Variants in ADRA1B observed in about 807,000 individuals in gnomAD.
ADRA1B encodes alpha-1B adrenergic receptor.
A neutral mutation model predicts 17.9 loss-of-function variants in ADRA1B; 17 were observed. That is an observed-to-expected ratio of 0.95 (90% CI 0.65 to 1.42). The LOEUF (loss-of-function observed/expected upper bound fraction) is 1.42, where lower values mean the gene tolerates loss of function less well. ADRA1B is among the 40% of genes most tolerant of loss of function. The pLI is 0.00. For synonymous variants in ADRA1B, 366 were observed against 327.6 expected (o/e 1.12, Z -1.27); for missense variants, 681 against 722.1 (o/e 0.94, Z 0.65).
Position 159,972,484 on chromosome 5 carries a change from C to G in ADRA1B, c.1555C>G (p.Gln519Glu), listed in dbSNP as rs866103721. ...AAGCAACATGCCCCTGGCGCCCGGG[C>G]AGTTTTAGGGCCCCCGTGCGCAGCT... Reference protein sequence around the residue: ...FKSNMPLAPGQF With the variant: ...FKSNMPLAPGEF Residue 519 changes from glutamine to glutamate, a missense_variant, in exon 2 of 2, where the codon CAG becomes GAG. By Grantham distance (29) the Gln-to-Glu change is conservative. This residue lies in a region of ADRA1B where 251 missense variants were observed against 224.9 expected (regional missense o/e 1.12). Coordinates refer to ENST00000306675, the MANE Select transcript of ADRA1B (RefSeq NM_000679.4). 14 of 1,238,034 alleles carry G rather than the reference C, an allele frequency of 1.1e-5. No individual in the cohort carries two copies. Among genetic ancestry groups the G allele is most frequent in the Non-Finnish European group, 1.4e-5 (14 of 968,740 alleles). 76.7% of individuals were successfully genotyped at this position (1,238,034 alleles called of 1,614,324 possible).
At chr5:159,979,643 G>A in the ADRA1B span, among the ~76,000 whole-genome samples, 9 of 152,066 alleles carry the variant, frequency 5.9e-5, no homozygotes, top group Middle Eastern at 3.2e-3. Context: ...CGTGGAGGGC[G>A]GATCACCGGA....
At chr5:159,944,680 CCTTCAAT>C (rs1328435002) in intron 1 of ADRA1B, among the ~76,000 whole-genome samples, 1 of 152,090 alleles carries the variant, frequency 6.6e-6, no homozygotes, top group Non-Finnish European at 1.5e-5. Flanking sequence ...TATGTTACCT[CCTTCAAT>C]CTTTACAACA....
intron 1 of ADRA1B, among the ~76,000 whole-genome samples, chr5:159,919,214 T>A (rs1263437457): frequency 1.3e-5 from 2 of 152,246 alleles, no homozygotes. Flanking sequence ...CAATGGTTAG[T>A]GTTAAGCAGA....
At chr5:159,944,458 G>T (rs1755217130) in intron 1 of ADRA1B, among the ~76,000 whole-genome samples, 1 of 152,210 alleles carries the variant, frequency 6.6e-6, no homozygotes, top group South Asian at 2.1e-4. Context: ...CACAGAGAAA[G>T]GCTAACACTT....
At chr5:159,955,922 G>GTCTCTC (rs143519789) in intron 1 of ADRA1B, among the ~76,000 whole-genome samples, 1 of 149,924 alleles carries the variant, frequency 6.7e-6, no homozygotes, top group Non-Finnish European at 1.5e-5. Context: ...CTTTCTCTTT[G>GTCTCTC]TCTCTCTCTC....
chr5:159,946,672 C>T (rs1188214964), intron 1 of ADRA1B, among the ~76,000 whole-genome samples: 1 of 152,220 alleles, frequency 6.6e-6, no homozygotes, highest in Non-Finnish European at 1.5e-5. Context: ...ATTTTGTATT[C>T]TGTGATGTAT....
At chr5:159,931,061 G>A (rs560863096) in intron 1 of ADRA1B, among the ~76,000 whole-genome samples, 124 of 144,310 alleles carry the variant, frequency 8.6e-4, no homozygotes, top group African/African-American at 2.9e-3. Flanking sequence ...TATATCTCCC[G>A]CTCTGTGATT....
At chr5:159,878,852 A>G (rs921846718) in intron 1 of ADRA1B, among the ~76,000 whole-genome samples, 1 of 152,204 alleles carries the variant, frequency 6.6e-6, no homozygotes, top group African/African-American at 2.4e-5. Context: ...GTATCCATTT[A>G]TCAACTAACA....
intron 1 of ADRA1B, among the ~76,000 whole-genome samples, chr5:159,884,715 C>T (rs1054876423): frequency 1.3e-5 from 2 of 152,232 alleles, no homozygotes; most frequent in African/African-American, 4.8e-5. Flanking sequence ...AATGTATCAA[C>T]TATGTAATCT....
At chr5:159,894,903 G>A (rs1754025545) in intron 1 of ADRA1B, among the ~76,000 whole-genome samples, 1 of 152,188 alleles carries the variant, frequency 6.6e-6, no homozygotes, top group Non-Finnish European at 1.5e-5. Flanking sequence ...TAGCACAACA[G>A]AGCATCAGAC....
At chr5:159,988,041 TG>T in the ADRA1B span, among the ~76,000 whole-genome samples, 8 of 152,002 alleles carry the variant, frequency 5.3e-5, no homozygotes, top group African/African-American at 1.7e-4. Context: ...GATCGTGAGA[TG>T]GGGGGATTAG....
At chr5:159,922,799 T>C (rs548294009) in intron 1 of ADRA1B, among the ~76,000 whole-genome samples, 12 of 152,392 alleles carry the variant, frequency 7.9e-5, no homozygotes, top group East Asian at 1.9e-4. Flanking sequence ...CCAGGCATTA[T>C]ACTGACGATA....
chr5:159,917,184 G>A lies in ADRA1B; in HGVS notation c.279G>A (p.Leu93=). 2.5e-6 allele frequency: 4 copies of A among 1,614,196 alleles called. No homozygotes were observed. Among genetic ancestry groups the A allele is most frequent in the Non-Finnish European group, 3.4e-6 (4 of 1,180,042 alleles). ...TCAACCTGGCCATGGCCGACCTGCT[G>A]TTGAGCTTCACCGTCCTGCCCTTCT... The part of the protein sequence containing the change: ...FIVNLAMADL[L]LSFTVLPFSA... Residue 93 remains leucine, a synonymous_variant, in exon 1 of 2, where the codon CTG becomes CTA. Coordinates refer to ENST00000306675, the MANE Select transcript of ADRA1B (RefSeq NM_000679.4).
At chr5:159,954,142 C>A (rs780713753) in intron 1 of ADRA1B, among the ~76,000 whole-genome samples, 54 of 152,176 alleles carry the variant, frequency 3.5e-4, no homozygotes, top group Non-Finnish European at 7.1e-4. Flanking sequence ...GCGAGATCCG[C>A]ATCAATAGTT....
At chr5:159,900,426 G>A (rs183139870) in intron 1 of ADRA1B, among the ~76,000 whole-genome samples, 39 of 152,228 alleles carry the variant, frequency 2.6e-4, no homozygotes, top group Non-Finnish European at 5.4e-4. Context: ...CTTCATATAG[G>A]TCTTGTACGT....
chr5:159,953,256 A>G (rs1755481743), intron 1 of ADRA1B, among the ~76,000 whole-genome samples: 2 of 152,198 alleles, frequency 1.3e-5, no homozygotes, highest in African/African-American at 4.8e-5. Flanking sequence ...GCTACTCAGC[A>G]GACTGAGGCA....
chr5:159,915,275 C>T (rs542348825), upstream of ADRA1B, among the ~76,000 whole-genome samples: 20 of 152,142 alleles, frequency 1.3e-4, 1 homozygote, highest in Middle Eastern at 6.8e-3. Flanking sequence ...TGAACTTGGG[C>T]GAACAGCTAA....
chr5:159,959,247 AC>A (rs1248422514), intron 1 of ADRA1B, among the ~76,000 whole-genome samples: 3 of 152,230 alleles, frequency 2.0e-5, no homozygotes, highest in Non-Finnish European at 4.4e-5. Flanking sequence ...GGAGATGAAA[AC>A]CGAGCTGGGT....
At chr5:159,941,919 C>CTT (rs70987983) in intron 1 of ADRA1B, among the ~76,000 whole-genome samples, 4,432 of 121,976 alleles carry the variant, frequency 0.036, 184 homozygotes, top group East Asian at 0.17. Flanking sequence ...TACTGGGTTT[C>CTT]TTTTTTTTTT....
Sources: gnomAD v4.1 joint callset for allele counts (sites outside exome capture counted in the v4.1 genomes callset) on GRCh38, gnomAD v4.1.1 for gene constraint, gnomAD v4.1.1 regional missense constraint, MANE v1.5 for transcripts, NCBI Gene and HGNC (gene_info 2026-07-23, HGNC 2026-07-21) for gene names.